Variants in DYNC1I2 observed in about 807,000 individuals in gnomAD.
DYNC1I2 encodes dynein cytoplasmic 1 intermediate chain 2, also known as cytoplasmic dynein 1 intermediate chain 2.
Under a neutral mutation model 88.6 loss-of-function variants are expected in DYNC1I2, and 53 were observed. That is an observed-to-expected ratio of 0.60 (90% CI 0.48 to 0.75). The LOEUF (loss-of-function observed/expected upper bound fraction) is 0.75. DYNC1I2 is among the 30% of genes least tolerant of loss of function. The pLI, the probability that DYNC1I2 is intolerant of heterozygous loss-of-function variation, is 0.00. For synonymous variants in DYNC1I2, 198 were observed against 254.6 expected (o/e 0.78, Z 2.12); for missense variants, 458 against 766.6 (o/e 0.60, Z 4.75).
At chr2:171,713,904 T>TAAGTG (rs1687301970) in intron 6 of DYNC1I2, among the ~76,000 whole-genome samples, 1 of 152,154 alleles carries the variant, frequency 6.6e-6, no homozygotes, top group South Asian at 2.1e-4. Flanking sequence ...GGCTTTTGGA[T>TAAGTG]AAGTGAGGTA....
intron 7 of DYNC1I2, among the ~76,000 whole-genome samples, chr2:171,723,397 ATATATG>A (rs1208072399): frequency 6.6e-6 from 1 of 152,228 alleles, no homozygotes; most frequent in Non-Finnish European, 1.5e-5. Flanking sequence ...AAAGTGGAAA[ATATATG>A]TATATTCTTA....
Position 171,726,860 on chromosome 2 carries a change from C to G in DYNC1I2, c.940C>G (p.Leu314Val), listed in dbSNP as rs1688292707. The change falls in exon 11 of 18, where the codon CTT becomes GTT. Residue 314 changes from leucine to valine, a missense_variant. By Grantham distance (32) the Leu-to-Val change is conservative. Coordinates refer to ENST00000397119, the MANE Select transcript of DYNC1I2 (RefSeq NM_001378.3). The stretch of plus-strand genomic sequence containing the variant: ...CCCTCATGAGCCTGATGGTGTGGCC[C>G]TTGTATGGAATATGAAATACAAAAA... ...DAPHEPDGVA[L>V]VWNMKYKKTT... 1 of 1,612,632 alleles carries G rather than the reference C, an allele frequency of 6.2e-7. No individual in the cohort carries two copies. The highest frequency in any genetic ancestry group is 1.3e-5 in the African/African-American group (1 of 74,938).
At chr2:171,721,887 A>C (rs1248204486) in intron 7 of DYNC1I2, among the ~76,000 whole-genome samples, 1 of 152,230 alleles carries the variant, frequency 6.6e-6, no homozygotes, top group Non-Finnish European at 1.5e-5. Context: ...TTTAATCATT[A>C]AAAGTGATAG....
intron 11 of DYNC1I2, 74 bp from the exon 12 acceptor site, chr2:171,727,747 A>G: frequency 7.2e-7 from 1 of 1,390,294 alleles, no homozygotes. Context: ...TGTTTCGGAT[A>G]ATAGATTGAT....
At chr2:171,691,663 G>T (rs774879504) in intron 2 of DYNC1I2, among the ~76,000 whole-genome samples, 1 of 152,160 alleles carries the variant, frequency 6.6e-6, no homozygotes, top group Non-Finnish European at 1.5e-5. Context: ...GCATGATTCA[G>T]GTTGGCAGAG....
At chr2:171,719,063 C>T (rs999949824) in intron 7 of DYNC1I2, among the ~76,000 whole-genome samples, 1 of 152,090 alleles carries the variant, frequency 6.6e-6, no homozygotes, top group African/African-American at 2.4e-5. Context: ...TTGTCTAGCA[C>T]TGATTCTACA....
In DYNC1I2 at chr2:171,747,803, T is replaced by C. The variant is rs1689905426; in HGVS notation, c.1831T>C (p.Trp611Arg). ...GATTGCTGTTCCCCGCAATGATGAA[T>C]GGGCACGGTTTGGCCGAACACTTGC... ...EQIAVPRNDE[W>R]ARFGRTLAEI... Residue 611 changes from tryptophan (W) to arginine (R), a missense_variant, in exon 18 of 18, where the codon TGG becomes CGG. By Grantham distance (101) the Trp-to-Arg change is moderately radical. Coordinates refer to ENST00000397119, the MANE Select transcript of DYNC1I2 (RefSeq NM_001378.3). 2 of 1,611,168 alleles carry C rather than the reference T, an allele frequency of 1.2e-6. No homozygotes were observed. The highest frequency in any genetic ancestry group is 1.7e-6 in the Non-Finnish European group (2 of 1,179,264).
intron 3 of DYNC1I2, among the ~76,000 whole-genome samples, chr2:171,705,604 A>G (rs1574534226): frequency 6.6e-6 from 1 of 152,110 alleles, no homozygotes. Flanking sequence ...CTCTAGTCCT[A>G]TATCAGTTGG....
At chr2:171,697,163 A>G (rs1321130353) in intron 3 of DYNC1I2, among the ~76,000 whole-genome samples, 4 of 151,696 alleles carry the variant, frequency 2.6e-5, no homozygotes, top group South Asian at 4.2e-4. Flanking sequence ...ACCATGCCCA[A>G]CTAATTTTTT....
chr2:171,745,743 A>G, intron 16 of DYNC1I2, 59 bp from the exon 17 acceptor site: 1 of 1,537,536 alleles, frequency 6.5e-7, no homozygotes, highest in South Asian at 1.2e-5. Context: ...ACTGTTTTAC[A>G]TGTTTATAGA....
At chr2:171,712,907 A>C in intron 6 of DYNC1I2, 81 bp downstream of exon 6, 2 of 1,222,864 alleles carry the variant, frequency 1.6e-6, no homozygotes, top group Non-Finnish European at 2.4e-6. Flanking sequence ...ATTTTGCTTA[A>C]GTTTATAATA....
At chr2:171,715,289 TG>T (rs1370200945) in intron 6 of DYNC1I2, 38 bp from the exon 7 acceptor site, 1 of 1,238,536 alleles carries the variant, frequency 8.1e-7, no homozygotes. Context: ...CATGGTTTGA[TG>T]TAGTTAAAAT....
At chr2:171,708,613 A>G (rs1012047057) in intron 5 of DYNC1I2, among the ~76,000 whole-genome samples, 1 of 152,212 alleles carries the variant, frequency 6.6e-6, no homozygotes, top group African/African-American at 2.4e-5. Flanking sequence ...CAATTTGTCT[A>G]GTGTAAATTC....
At chr2:171,736,755 T>C (rs964813334) in intron 15 of DYNC1I2, among the ~76,000 whole-genome samples, 2 of 152,222 alleles carry the variant, frequency 1.3e-5, no homozygotes, top group African/African-American at 4.8e-5. Flanking sequence ...AGTCAAGTTA[T>C]ATAGAAAGAT....
intron 4 of DYNC1I2, chr2:171,706,931 A>C: frequency 2.4e-6 from 1 of 423,564 alleles, no homozygotes; most frequent in East Asian, 4.4e-5. Context: ...TGGTGATATT[A>C]AAAGTGAAAA....
At chr2:171,708,921 A>G (rs1686892106) in intron 5 of DYNC1I2, among the ~76,000 whole-genome samples, 2 of 152,020 alleles carry the variant, frequency 1.3e-5, no homozygotes, top group Admixed American at 1.3e-4. Context: ...TCGAATTCCC[A>G]GACTCAAGTG....
At chr2:171,719,590 A>G (rs1034330731) in intron 7 of DYNC1I2, among the ~76,000 whole-genome samples, 3 of 152,206 alleles carry the variant, frequency 2.0e-5, no homozygotes, top group Non-Finnish European at 4.4e-5. Flanking sequence ...TAGGCAGTAA[A>G]ATCCATGCCT....
chr2:171,743,630 GT>G (rs2105782185), intron 15 of DYNC1I2, among the ~76,000 whole-genome samples: 1 of 152,306 alleles, frequency 6.6e-6, no homozygotes, highest in Admixed American at 6.5e-5. Flanking sequence ...TTATTTGGAA[GT>G]TTGTCTCCTG....
Position 171,707,266 on chromosome 2 carries a change from CCTGT to C in DYNC1I2, c.245-18_245-15del, listed in dbSNP as rs751935850. On this transcript the variant is annotated splice_polypyrimidine_tract_variant and intron_variant, in intron 4 of 17. Transcript: ENST00000397119. Reference sequence around the variant, plus strand: ...CCTCTCCGTGTAGTAACAGCGGATACCTGTCTATTTCACTATTTAGTCCCTCCTC... The same window carrying C: ...CCTCTCCGTGTAGTAACAGCGGATACCTATTTCACTATTTAGTCCCTCCTC... 3.1e-6 allele frequency: 5 copies of C among 1,613,500 alleles called. No individual in the cohort carries two copies. The highest frequency in any genetic ancestry group is 4.2e-6 in the Non-Finnish European group (5 of 1,179,674).
Sources: gnomAD v4.1 joint callset for allele counts (sites outside exome capture counted in the v4.1 genomes callset) on GRCh38, gnomAD v4.1.1 for gene constraint, MANE v1.5 for transcripts, NCBI Gene and HGNC (gene_info 2026-07-23, HGNC 2026-07-21) for gene names.